The following CELF2 variants were observed in gnomAD, a reference collection of about 807,000 sequenced individuals.
The protein encoded by CELF2 is CUG triplet repeat RNA-binding protein 2.
CELF2 carries 8 observed loss-of-function variants against 62.6 expected under a neutral mutation model. The ratio of observed to expected loss-of-function variants is 0.13; its 90% CI spans 0.07 to 0.23. The LOEUF (loss-of-function observed/expected upper bound fraction) is 0.23. Ranked by LOEUF, CELF2 falls within the 10% of genes least tolerant of loss-of-function variation. The pLI is 1.00. For synonymous variants in CELF2, 258 were observed against 250.0 expected, an observed-to-expected ratio of 1.03 and a Z score of -0.30; for missense variants, 333 against 671.0, an observed-to-expected ratio of 0.50 and a Z score of 5.56.
In CELF2 at chr10:11,214,608, C is replaced by T. The variant is rs74605122; in HGVS notation, c.272-2817C>T. Among the ~76,000 whole-genome samples the T allele has an allele frequency of 9.2e-5, 14 of 152,354 alleles. No individual in the cohort carries two copies. The highest frequency in any genetic ancestry group is 2.9e-4 in the African/African-American group (12 of 41,586). ...AAAGGCTCCAGGCTTCCCTGCCAAA[C>T]GCGGCGCCTGTGGAGCTGTGCTGGG... On this transcript the variant is annotated intron_variant, in intron 2 of 12. Coordinates refer to ENST00000633077, the MANE Select transcript of CELF2 (RefSeq NM_001326342.2). The surrounding 1 kb of genome is among the most constrained non-coding windows in gnomAD (Gnocchi z 4.2).
intron 1 of CELF2, among the ~76,000 whole-genome samples, chr10:11,078,201 C>T (rs1355165663): frequency 1.3e-5 from 2 of 151,890 alleles, no homozygotes; most frequent in African/African-American, 2.4e-5. Flanking sequence ...AAAAAATGCT[C>T]CTCCAGTTGC....
At chr10:10,977,840 T>G (rs981483826) in intron 2 of CELF2, among the ~76,000 whole-genome samples, 7 of 152,170 alleles carry the variant, frequency 4.6e-5, no homozygotes, top group Non-Finnish European at 4.4e-5. Context: ...TTTAACAATT[T>G]GGGGCTTACA....
In CELF2 at chr10:11,117,423, C is replaced by G. The variant is rs1045622816; in HGVS notation, c.75-48063C>G. On this transcript the variant is annotated intron_variant, in intron 1 of 12. Transcript: ENST00000633077. The surrounding 1 kb of genome is among the most constrained non-coding windows in gnomAD (Gnocchi z 4.1). ...GTATCATTCGAAAAAGCCAGTGGCT[C>G]TCCAGGAATGAAGATGCTCAAGGAG... Among the ~76,000 whole-genome samples, 2 of 152,180 alleles carry G rather than the reference C, an allele frequency of 1.3e-5. No individual in the cohort carries two copies. Among genetic ancestry groups the G allele is most frequent in the African/African-American group, 4.8e-5 (2 of 41,444 alleles).
intron 1 of CELF2, among the ~76,000 whole-genome samples, chr10:10,881,962 A>G (rs117138458): frequency 6.6e-6 from 1 of 152,222 alleles, no homozygotes; most frequent in Admixed American, 6.5e-5. Context: ...TTTTGTATGT[A>G]GTATTACTGC....
intron 2 of CELF2, among the ~76,000 whole-genome samples, chr10:11,173,989 G>A (rs886351716): frequency 2.3e-4 from 35 of 152,238 alleles, no homozygotes; most frequent in African/African-American, 7.7e-4. Context: ...AAGATGTTCC[G>A]ACCCATACTG....
chr10:11,009,340 CGTGTGTGTGA>C (rs1488991873), intron 1 of CELF2, among the ~76,000 whole-genome samples: 1 of 149,672 alleles, frequency 6.7e-6, no homozygotes, highest in Non-Finnish European at 1.5e-5. Flanking sequence ...TGTGTGTGCG[CGTGTGTGTGA>C]GTGTGTGTGT....
chr10:11,239,610 A>G (rs936362299), intron 3 of CELF2, among the ~76,000 whole-genome samples: 2 of 152,184 alleles, frequency 1.3e-5, no homozygotes, highest in Non-Finnish European at 2.9e-5. Context: ...AAAAAGTTGT[A>G]ATTTATTTCC....
chr10:10,806,565 A>G (rs1429235391), intron 1 of CELF2, among the ~76,000 whole-genome samples: 13 of 152,210 alleles, frequency 8.5e-5, no homozygotes. Flanking sequence ...TTGCTCCTAC[A>G]TGATTTATTG....
chr10:11,101,425 T>G (rs1410057776), intron 1 of CELF2, among the ~76,000 whole-genome samples: 1 of 152,084 alleles, frequency 6.6e-6, no homozygotes, highest in African/African-American at 2.4e-5. Context: ...CTGAGCTAGG[T>G]AGAGGAAGAT....
upstream of CELF2, among the ~76,000 whole-genome samples, chr10:11,015,374 A>T (rs572875824): frequency 3.2e-3 from 491 of 152,308 alleles, 1 homozygote; most frequent in African/African-American, 0.011. The surrounding 1 kb of genome is among the most constrained non-coding windows in gnomAD (Gnocchi z 4.8). Context: ...GATATTAGAA[A>T]TGAAAGCTAC....
At chr10:10,548,343 G>A in the CELF2 span, among the ~76,000 whole-genome samples, 1 of 152,192 alleles carries the variant, frequency 6.6e-6, no homozygotes, top group East Asian at 1.9e-4. Flanking sequence ...CATAGTCTCA[G>A]CTTCAAATTC....
chr10:11,283,500 G>C (rs907671149), intron 8 of CELF2, among the ~76,000 whole-genome samples: 2 of 152,038 alleles, frequency 1.3e-5, no homozygotes, highest in Non-Finnish European at 2.9e-5. Context: ...GGGTGAGTGA[G>C]TGGGTGGATA....
At chr10:11,215,926 C>T (rs959150519) in intron 2 of CELF2, among the ~76,000 whole-genome samples, 3 of 152,130 alleles carry the variant, frequency 2.0e-5, no homozygotes, top group Non-Finnish European at 4.4e-5. Context: ...TGAAGTTGAT[C>T]GGTTCAGTAA....
intron 1 of CELF2, among the ~76,000 whole-genome samples, chr10:10,840,040 A>G (rs1171476514): frequency 6.6e-6 from 1 of 152,158 alleles, no homozygotes; most frequent in African/African-American, 2.4e-5. Context: ...TTGATAGTTC[A>G]TTCCTTTCTA....
chr10:11,057,294 G>A (rs1179321813), intron 1 of CELF2, among the ~76,000 whole-genome samples: 1 of 152,118 alleles, frequency 6.6e-6, no homozygotes, highest in Non-Finnish European at 1.5e-5. Flanking sequence ...GGGATGTGTG[G>A]GGTGGGGGGT....
At chr10:11,088,758 C>A (rs1268478922) in intron 1 of CELF2, among the ~76,000 whole-genome samples, 1 of 152,174 alleles carries the variant, frequency 6.6e-6, no homozygotes, top group Non-Finnish European at 1.5e-5. Context: ...TTGGACAGGG[C>A]ACAGAGATGG....
chr10:11,036,284 T>A (rs188929441), intron 1 of CELF2, among the ~76,000 whole-genome samples: 1 of 152,354 alleles, frequency 6.6e-6, no homozygotes, highest in Admixed American at 6.5e-5. Context: ...TCCTTTTGTA[T>A]TTGTACGATG....
intron 1 of CELF2, among the ~76,000 whole-genome samples, chr10:11,141,617 A>G (rs2061365939): frequency 2.0e-5 from 3 of 152,200 alleles, no homozygotes; most frequent in African/African-American, 7.2e-5. Flanking sequence ...GAAGAATACA[A>G]AAGCAACAGT....
intron 2 of CELF2, among the ~76,000 whole-genome samples, chr10:10,966,389 A>G (rs2050126241): frequency 1.3e-5 from 2 of 152,070 alleles, no homozygotes; most frequent in Non-Finnish European, 2.9e-5. Flanking sequence ...ATGGCTGAGG[A>G]TATTTTTGAT....
Sources: gnomAD v4.1 joint callset for allele counts (sites outside exome capture counted in the v4.1 genomes callset) on GRCh38, gnomAD v4.1.1 for gene constraint, Gnocchi (gnomAD v3.1) non-coding constraint, MANE v1.5 for transcripts, NCBI Gene and HGNC (gene_info 2026-07-23, HGNC 2026-07-21) for gene names.